The following EPHA5 variants were observed in gnomAD, a reference collection of about 807,000 sequenced individuals.
EPHA5 encodes the protein ephrin type-A receptor 5.
EPHA5 carries 60 observed loss-of-function variants against 105.0 expected under a neutral mutation model. That is an observed-to-expected ratio of 0.57 (90% CI 0.46 to 0.71). The LOEUF (loss-of-function observed/expected upper bound fraction) is 0.71, where lower values mean the gene tolerates loss of function less well. EPHA5 is among the 30% of genes least tolerant of loss of function. The pLI, the probability that EPHA5 is intolerant of heterozygous loss-of-function variation, is 0.00. For synonymous variants in EPHA5, 513 were observed against 449.1 expected (o/e 1.14, Z -1.80); for missense variants, 1,218 against 1,274.7 (o/e 0.96, Z 0.68).
At chr4:65,348,754 T>TAC (rs1366172083) in intron 13 of EPHA5, among the ~76,000 whole-genome samples, 1 of 136,158 alleles carries the variant, frequency 7.3e-6, no homozygotes, top group Non-Finnish European at 1.6e-5. Flanking sequence ...TGTGCATATA[T>TAC]ATATGTGTAT....
chr4:65,663,763 A>G (rs574815123), intron 1 of EPHA5, among the ~76,000 whole-genome samples: 4 of 152,168 alleles, frequency 2.6e-5, no homozygotes, highest in African/African-American at 9.6e-5. Context: ...TGTGATAAGA[A>G]TAATTGCAAT....
At chr4:65,621,918 C>A (rs1287239212) in intron 2 of EPHA5, among the ~76,000 whole-genome samples, 2 of 152,060 alleles carry the variant, frequency 1.3e-5, no homozygotes, top group African/African-American at 4.8e-5. Context: ...CAAAGGAAAG[C>A]TGCATTCGTC....
intron 2 of EPHA5, among the ~76,000 whole-genome samples, chr4:65,634,128 T>A (rs992355790): frequency 3.3e-5 from 5 of 152,046 alleles, no homozygotes; most frequent in African/African-American, 1.2e-4. Flanking sequence ...GCAGTTGGGT[T>A]AAAAAGAGAT....
intron 1 of EPHA5, among the ~76,000 whole-genome samples, chr4:65,664,502 A>C (rs1749804316): frequency 6.6e-6 from 1 of 151,934 alleles, no homozygotes; most frequent in South Asian, 2.1e-4. Context: ...ATGTACACCC[A>C]TAGGAATATC....
intron 5 of EPHA5, among the ~76,000 whole-genome samples, chr4:65,441,982 A>G (rs1363513627): frequency 6.6e-6 from 1 of 152,142 alleles, no homozygotes; most frequent in Non-Finnish European, 1.5e-5. Flanking sequence ...TTCACCATTT[A>G]ATCTTCCAAA....
intron 3 of EPHA5, among the ~76,000 whole-genome samples, chr4:65,528,428 C>T (rs557222493): frequency 2.0e-5 from 3 of 151,894 alleles, no homozygotes; most frequent in Non-Finnish European, 2.9e-5. Flanking sequence ...ATATTTAATT[C>T]GCTTCTTCCT....
At chr4:65,392,101 GT>G (rs1328822104) in intron 8 of EPHA5, among the ~76,000 whole-genome samples, 3 of 152,076 alleles carry the variant, frequency 2.0e-5, no homozygotes, top group African/African-American at 7.2e-5. Context: ...GCAATTAGTT[GT>G]TGCTATGTTC....
At chr4:65,576,077 AG>A (rs1740962365) in intron 3 of EPHA5, among the ~76,000 whole-genome samples, 1 of 92,952 alleles carries the variant, frequency 1.1e-5, no homozygotes, top group African/African-American at 3.9e-5. Context: ...AGAAAAGAAA[AG>A]AAAAGAAAAG....
chr4:65,552,708 A>G (rs1007305413), intron 3 of EPHA5, among the ~76,000 whole-genome samples: 3 of 152,160 alleles, frequency 2.0e-5, no homozygotes, highest in Admixed American at 6.6e-5. Flanking sequence ...AAGATTCTTT[A>G]AAAAATATCA....
At chr4:65,541,316 T>C (rs1182770011) in intron 3 of EPHA5, among the ~76,000 whole-genome samples, 2 of 151,272 alleles carry the variant, frequency 1.3e-5, no homozygotes, top group African/African-American at 4.8e-5. Flanking sequence ...GCAAATTGGA[T>C]AGAGTCAAGA....
chr4:65,342,266 G>A (rs531498466), intron 14 of EPHA5, among the ~76,000 whole-genome samples: 8 of 151,870 alleles, frequency 5.3e-5, no homozygotes, highest in African/African-American at 1.5e-4. Flanking sequence ...TTTTCATGAG[G>A]CTACTAGTTC....
intron 3 of EPHA5, among the ~76,000 whole-genome samples, chr4:65,587,492 C>T (rs1231195396): frequency 6.6e-6 from 1 of 152,102 alleles, no homozygotes; most frequent in Non-Finnish European, 1.5e-5. Context: ...AATGTACAGA[C>T]CAAAAGTTCA....
chr4:65,519,371 T>G (rs372581484), intron 3 of EPHA5, among the ~76,000 whole-genome samples: 2 of 151,928 alleles, frequency 1.3e-5, no homozygotes, highest in Admixed American at 1.3e-4. Flanking sequence ...ATTGATAGGA[T>G]GTATCTCAAA....
At chr4:65,599,858 A>G (rs993868849) in intron 3 of EPHA5, among the ~76,000 whole-genome samples, 3 of 152,296 alleles carry the variant, frequency 2.0e-5, no homozygotes, top group African/African-American at 7.2e-5. Flanking sequence ...ATTCTGTCAG[A>G]ACGCTGCCTC....
intron 8 of EPHA5, among the ~76,000 whole-genome samples, chr4:65,380,947 T>A (rs1719500731): frequency 6.6e-6 from 1 of 151,722 alleles, no homozygotes; most frequent in South Asian, 2.1e-4. Flanking sequence ...CTTGAATATA[T>A]CCATTACTAG....
At chr4:65,376,736 A>G (rs80314536) in intron 8 of EPHA5, among the ~76,000 whole-genome samples, 1,761 of 152,132 alleles carry the variant, frequency 0.012, 39 homozygotes, top group African/African-American at 0.04. Context: ...ACATATAACT[A>G]TAATCTCGTA....
At chr4:65,456,083 G>C (rs549455957) in intron 5 of EPHA5, among the ~76,000 whole-genome samples, 16 of 152,244 alleles carry the variant, frequency 1.1e-4, no homozygotes, top group African/African-American at 3.8e-4. Flanking sequence ...GAAAGTTGTG[G>C]GGAGAGAGAA....
At chr4:65,335,205 A>G (rs1331889915) in intron 15 of EPHA5, among the ~76,000 whole-genome samples, 4 of 152,044 alleles carry the variant, frequency 2.6e-5, no homozygotes, top group African/African-American at 7.2e-5. Context: ...GAAAATAACA[A>G]TCTGGTAAAT....
intron 5 of EPHA5, among the ~76,000 whole-genome samples, chr4:65,425,132 T>G (rs1724302926): frequency 1.3e-5 from 2 of 152,098 alleles, no homozygotes; most frequent in African/African-American, 2.4e-5. Flanking sequence ...AAAACAATAT[T>G]GAAATCTTTT....
Sources: gnomAD v4.1 joint callset for allele counts (sites outside exome capture counted in the v4.1 genomes callset) on GRCh38, gnomAD v4.1.1 for gene constraint, MANE v1.5 for transcripts, NCBI Gene and HGNC (gene_info 2026-07-23, HGNC 2026-07-21) for gene names.